LUZP2: variants seen among roughly 807,000 people sequenced by gnomAD.
LUZP2 encodes the protein leucine zipper protein 2.
A neutral mutation model predicts 51.6 loss-of-function variants in LUZP2; 52 were observed. The observed-to-expected ratio is 1.01, with a 90% CI of 0.81 to 1.27. The LOEUF (loss-of-function observed/expected upper bound fraction) is 1.27. Among genes scored for constraint, LUZP2 ranks in the 50% most tolerant of loss-of-function variants. LUZP2 has a pLI of 0.00. For synonymous variants in LUZP2, 154 were observed against 137.3 expected (o/e 1.12, Z -0.85); for missense variants, 436 against 395.4 (o/e 1.10, Z -0.87).
intron 1 of LUZP2, among the ~76,000 whole-genome samples, chr11:24,704,624 A>G (rs1427036075): frequency 1.3e-5 from 2 of 151,864 alleles, no homozygotes; most frequent in African/African-American, 4.8e-5. Flanking sequence ...ATATATATAT[A>G]TGAGAGAACT....
intron 7 of LUZP2, among the ~76,000 whole-genome samples, chr11:24,924,689 T>C (rs1043762228): frequency 1.3e-5 from 2 of 152,210 alleles, no homozygotes; most frequent in Non-Finnish European, 1.5e-5. Flanking sequence ...AGCTTGGTTT[T>C]ATACATTTTA....
intron 1 of LUZP2, among the ~76,000 whole-genome samples, chr11:24,500,046 G>A (rs1489195905): frequency 1.3e-5 from 2 of 151,920 alleles, no homozygotes; most frequent in Non-Finnish European, 2.9e-5. Flanking sequence ...TTCTCTTTTT[G>A]CTTGTTCCTC....
intron 10 of LUZP2, among the ~76,000 whole-genome samples, chr11:25,067,543 A>C (rs562702037): frequency 5.3e-5 from 8 of 152,084 alleles, no homozygotes; most frequent in African/African-American, 1.9e-4. Flanking sequence ...ATCCAAGAAG[A>C]CATTTATGTG....
chr11:24,752,367 A>G (rs1283118590), intron 4 of LUZP2, among the ~76,000 whole-genome samples: 1 of 152,176 alleles, frequency 6.6e-6, no homozygotes, highest in Non-Finnish European at 1.5e-5. Flanking sequence ...ATACATATAA[A>G]CTGGCATTCA....
chr11:25,055,616 C>A (rs1040815535), intron 10 of LUZP2, among the ~76,000 whole-genome samples: 2 of 152,046 alleles, frequency 1.3e-5, no homozygotes, highest in Non-Finnish European at 2.9e-5. Context: ...GATGCTACAT[C>A]CAGAATAAAG....
At chr11:24,925,900 T>G (rs1216437313) in intron 7 of LUZP2, among the ~76,000 whole-genome samples, 1 of 151,922 alleles carries the variant, frequency 6.6e-6, no homozygotes, top group Non-Finnish European at 1.5e-5. Context: ...TCCCTCGCAC[T>G]TTTTCTTTTG....
At chr11:24,793,585 T>C (rs745437771) in intron 5 of LUZP2, among the ~76,000 whole-genome samples, 4 of 152,112 alleles carry the variant, frequency 2.6e-5, no homozygotes, top group Non-Finnish European at 4.4e-5. Context: ...GAGAATACCA[T>C]GATAAGGGAG....
intron 10 of LUZP2, among the ~76,000 whole-genome samples, chr11:25,062,652 A>G (rs74736858): frequency 0.057 from 8,590 of 149,978 alleles, 798 homozygotes; most frequent in African/African-American, 0.19. Flanking sequence ...AAGCACACCA[A>G]TAAAGTTGTG....
rs796994897 is a variant in LUZP2, at chr11:24,766,738, TA to T, written c.396+3438del. On this transcript the variant is annotated intron_variant, in intron 5 of 11. Transcript: ENST00000336930. Reference sequence around the variant, plus strand: ...AAATGATTATGTTTGAGATAAATGCTAAAAAAAATTGTATTTACACTTTTAT... The same window carrying T: ...AAATGATTATGTTTGAGATAAATGCTAAAAAAATTGTATTTACACTTTTAT... Among the ~76,000 whole-genome samples the T allele has an allele frequency of 5.3e-5, 8 of 152,178 alleles. No homozygotes were observed. In the East Asian group the frequency reaches 5.8e-4, roughly 11 times the overall value.
In LUZP2 at chr11:25,034,829, A is replaced by G. The variant is rs962944336; in HGVS notation, c.766-15209A>G. 2.0e-5 allele frequency among the ~76,000 whole-genome samples: 3 copies of G among 152,056 alleles called. No homozygotes were observed. The South Asian group carries it at 6.2e-4, about 32-fold the overall frequency. On this transcript the variant is annotated intron_variant, in intron 9 of 11. Transcript: ENST00000336930. ...AGCTGTTTGACTACTGTGCCTCCAT[A>G]GTATAGTTTCAGGTCAGGTAGTGTG...
At chr11:24,858,351 A>C (rs984984215) in intron 5 of LUZP2, among the ~76,000 whole-genome samples, 4 of 151,972 alleles carry the variant, frequency 2.6e-5, no homozygotes, top group African/African-American at 9.7e-5. Context: ...CTATATTGAG[A>C]GATGCTATTT....
At chr11:24,846,939 A>G (rs1179775843) in intron 5 of LUZP2, among the ~76,000 whole-genome samples, 1 of 151,782 alleles carries the variant, frequency 6.6e-6, no homozygotes, top group Non-Finnish European at 1.5e-5. Context: ...GTATACATAC[A>G]TATATACACA....
At chr11:24,697,295 A>C (rs983041311) in intron 1 of LUZP2, among the ~76,000 whole-genome samples, 1 of 152,210 alleles carries the variant, frequency 6.6e-6, no homozygotes, top group African/African-American at 2.4e-5. Flanking sequence ...ATTAGAGTGT[A>C]AATAGGCAAG....
At chr11:24,838,359 C>T (rs1217905458) in intron 5 of LUZP2, among the ~76,000 whole-genome samples, 1 of 151,584 alleles carries the variant, frequency 6.6e-6, no homozygotes, top group East Asian at 1.9e-4. Context: ...CTCAGTTTAT[C>T]TTAATTTTGT....
At chr11:25,011,689 T>A (rs1856988876) in intron 9 of LUZP2, among the ~76,000 whole-genome samples, 1 of 152,078 alleles carries the variant, frequency 6.6e-6, no homozygotes, top group African/African-American at 2.4e-5. Flanking sequence ...AGTTTTCAAT[T>A]TTGTTTAAAT....
At chr11:24,604,522 A>G (rs745396350) in intron 1 of LUZP2, among the ~76,000 whole-genome samples, 1 of 151,846 alleles carries the variant, frequency 6.6e-6, no homozygotes, top group Non-Finnish European at 1.5e-5. Context: ...TAAAATATAA[A>G]TTACATGTTA....
intron 1 of LUZP2, among the ~76,000 whole-genome samples, chr11:24,543,823 C>CGAA (rs1851454915): frequency 1.3e-5 from 1 of 75,600 alleles, no homozygotes; most frequent in Non-Finnish European, 2.2e-5. Context: ...CTCTGTCTCA[C>CGAA]AAAAAAAAAA....
At chr11:24,603,149 C>T (rs567992336) in intron 1 of LUZP2, among the ~76,000 whole-genome samples, 27 of 151,858 alleles carry the variant, frequency 1.8e-4, no homozygotes, top group African/African-American at 6.5e-4. Context: ...TGACAGGTAG[C>T]TTCTTTTAGG....
At chr11:24,974,561 C>T (rs977850553) in intron 7 of LUZP2, among the ~76,000 whole-genome samples, 1 of 151,936 alleles carries the variant, frequency 6.6e-6, no homozygotes, top group African/African-American at 2.4e-5. Flanking sequence ...AATCTTTCTA[C>T]CAATAAAATG....
Sources: gnomAD v4.1 joint callset for allele counts (sites outside exome capture counted in the v4.1 genomes callset) on GRCh38, gnomAD v4.1.1 for gene constraint, MANE v1.5 for transcripts, NCBI Gene and HGNC (gene_info 2026-07-23, HGNC 2026-07-21) for gene names.